The following CENPA variants were observed in gnomAD, a reference collection of about 807,000 sequenced individuals.
CENPA encodes the protein centromere protein A, also known as histone H3-like centromeric protein A.
In CENPA, 7 loss-of-function variants were observed where a neutral mutation model predicts 17.2. The ratio of observed to expected loss-of-function variants is 0.41; its 90% CI spans 0.23 to 0.76. The LOEUF (loss-of-function observed/expected upper bound fraction) is 0.76, where lower values mean the gene tolerates loss of function less well. Ranked by LOEUF, CENPA falls within the 30% of genes least tolerant of loss-of-function variation. The pLI is 0.34. For synonymous variants in CENPA, 82 were observed against 77.4 expected, an observed-to-expected ratio of 1.06 and a Z score of -0.31; for missense variants, 149 against 193.1, an observed-to-expected ratio of 0.77 and a Z score of 1.35.
intron 1 of CENPA, among the ~76,000 whole-genome samples, chr2:26,786,896 G>C (rs1291405413): frequency 6.6e-6 from 1 of 152,170 alleles, no homozygotes; most frequent in Non-Finnish European, 1.5e-5. Context: ...CTTGTGTCCG[G>C]GAAAAGGGGC....
chr2:26,786,908 G>A (rs1259420990), intron 1 of CENPA, among the ~76,000 whole-genome samples: 1 of 152,160 alleles, frequency 6.6e-6, no homozygotes, highest in Non-Finnish European at 1.5e-5. Flanking sequence ...AAAAGGGGCC[G>A]AAGTCTGTGT....
Position 26,793,346 on chromosome 2 carries a change from C to A in CENPA, c.*47+20C>A. 6.3e-7 allele frequency: 1 copy of A among 1,587,270 alleles called. No homozygotes were observed. Among genetic ancestry groups the A allele is most frequent in the Non-Finnish European group, 8.6e-7 (1 of 1,165,860 alleles). On this transcript the variant is annotated intron_variant, in intron 4 of 4. Transcript: ENST00000335756. Reference sequence around the variant, plus strand: ...CAGGGGGTAAGCTCATCCTCTTTCACAGGACTGGGGCTGGAATTTCTCAAG... The same window carrying A: ...CAGGGGGTAAGCTCATCCTCTTTCAAAGGACTGGGGCTGGAATTTCTCAAG...
In CENPA at chr2:26,786,292, C is replaced by G. The variant is rs2148064834; in HGVS notation, c.96C>G (p.Ser32=). ...CCGGCCCCTCCCGGCGGGGCCCCTC[C>G]TTAGGTAACCGGCCGCGGCCCCATC... The part of the protein sequence containing the change: ...PTPGPSRRGP[S]LGASSHQHSR... Residue 32 remains serine, a synonymous_variant, in exon 1 of 5, where the codon TCC becomes TCG. Transcript: ENST00000335756. The G allele has an allele frequency of 7.5e-7, 1 of 1,327,504 alleles. No homozygotes were observed. The highest frequency in any genetic ancestry group is 3.1e-5 in the East Asian group (1 of 32,108). The allele number at this position is 1,327,504 out of a possible 1,614,324, so 82.2% of individuals were successfully genotyped here. A position where few individuals can be genotyped will look rare whatever the true frequency, so the allele number is the denominator to read the frequency against.
In CENPA at chr2:26,793,240, G is replaced by A; in HGVS notation, c.384G>A (p.Leu128=). The change falls in exon 4 of 5, where the codon CTG becomes CTA. Residue 128 remains leucine, a synonymous_variant. Transcript: ENST00000335756. ...RVTLFPKDVQ[L]ARRIRGLEEG... The stretch of plus-strand genomic sequence containing the variant: ...CTCTCTTCCCAAAGGATGTGCAACT[G>A]GCCCGGAGGATCCGGGGCCTTGAGG... 2 of 1,614,130 alleles carry A rather than the reference G, an allele frequency of 1.2e-6. No homozygotes were observed. Among genetic ancestry groups the A allele is most frequent in the African/African-American group, 1.3e-5 (1 of 75,026 alleles).
intron 1 of CENPA, among the ~76,000 whole-genome samples, chr2:26,791,043 G>A (rs1157099876): frequency 6.6e-6 from 1 of 152,182 alleles, no homozygotes; most frequent in Non-Finnish European, 1.5e-5. Context: ...CACTCATCTT[G>A]ATCCTTGGTT....
chr2:26,792,116 C>T lies in CENPA; in HGVS notation c.101-15C>T. On this transcript the variant is annotated splice_polypyrimidine_tract_variant and intron_variant, in intron 1 of 4. Transcript: ENST00000335756. The stretch of plus-strand genomic sequence containing the variant: ...ACCACCTATTTTCCACTGAACTTAC[C>T]TTTCTTTTGCTCAGGCGCTTCCTCC... The T allele has an allele frequency of 6.2e-7, 1 of 1,611,730 alleles. No homozygotes were observed. The highest frequency in any genetic ancestry group is 8.5e-7 in the Non-Finnish European group (1 of 1,178,808).
In CENPA at chr2:26,792,257, T is replaced by C. The variant is rs368264561; in HGVS notation, c.210+17T>C. Reference sequence around the variant, plus strand: ...AGCCGCCTGGTAAGCTCCGGGAGCTTCCCACCAACCCCTATGCCACCCTCC... The same window carrying C: ...AGCCGCCTGGTAAGCTCCGGGAGCTCCCCACCAACCCCTATGCCACCCTCC... On this transcript the variant is annotated intron_variant, in intron 2 of 4. Transcript: ENST00000335756. The C allele has an allele frequency of 6.3e-7, 1 of 1,598,394 alleles. No individual in the cohort carries two copies. The highest frequency in any genetic ancestry group is 8.6e-7 in the Non-Finnish European group (1 of 1,168,988).
chr2:26,787,370 C>A (rs1232380338), intron 1 of CENPA, among the ~76,000 whole-genome samples: 2 of 152,124 alleles, frequency 1.3e-5, no homozygotes, highest in Non-Finnish European at 1.5e-5. Flanking sequence ...CGCCTACCAC[C>A]ACGCCCGGCT....
intron 1 of CENPA, among the ~76,000 whole-genome samples, chr2:26,789,728 A>G (rs1664581704): frequency 6.6e-6 from 1 of 152,020 alleles, no homozygotes. Flanking sequence ...CTCCAATACA[A>G]ATGCAGGTCC....
At chr2:26,793,475 C>A in intron 4 of CENPA, 149 bp downstream of exon 4, 1 of 571,806 alleles carries the variant, frequency 1.7e-6, no homozygotes, top group South Asian at 2.7e-5. Flanking sequence ...TGGTTTGTGC[C>A]CTTTTGTGCA....
rs150615508 is a variant in CENPA, at chr2:26,793,324, G to A, written c.*45G>A. On this transcript the variant is annotated splice_region_variant and 3_prime_UTR_variant, in exon 4 of 5. Transcript: ENST00000335756. ...CTGTCAGTCTTTCCTGCTCAGCCAG[G>A]GGGTAAGCTCATCCTCTTTCACAGG... 505 of 1,605,298 alleles carry A rather than the reference G, an allele frequency of 3.1e-4. 1 individual carries two copies. Among genetic ancestry groups the A allele is most frequent in the Non-Finnish European group, 3.0e-4 (351 of 1,176,330 alleles).
intron 2 of CENPA, 88 bp downstream of exon 2, chr2:26,792,328 C>A: frequency 9.8e-7 from 1 of 1,018,040 alleles, no homozygotes; most frequent in Non-Finnish European, 1.5e-6. Context: ...TGTCTCTTAA[C>A]TAACTGGCCA....
In CENPA at chr2:26,792,736, C is replaced by T; in HGVS notation, c.211-20C>T. The stretch of plus-strand genomic sequence containing the variant: ...TGTTACTCCCTACTCCTACTCCTCC[C>T]CTTCCCCACTCCTTCACAGGCAAGA... On this transcript the variant is annotated intron_variant, in intron 2 of 4. Coordinates refer to ENST00000335756, the MANE Select transcript of CENPA (RefSeq NM_001809.4). 3 of 1,606,460 alleles carry T rather than the reference C, an allele frequency of 1.9e-6. No individual in the cohort carries two copies. The highest frequency in any genetic ancestry group is 1.1e-5 in the South Asian group (1 of 90,944).
chr2:26,791,775 A>G (rs1259666459), intron 1 of CENPA, among the ~76,000 whole-genome samples: 1 of 152,248 alleles, frequency 6.6e-6, no homozygotes, highest in Non-Finnish European at 1.5e-5. Flanking sequence ...GCGGTCACCC[A>G]TCTGTTTGGA....
At chr2:26,792,516 C>T in intron 2 of CENPA, 2 of 713,260 alleles carry the variant, frequency 2.8e-6, no homozygotes, top group Non-Finnish European at 5.2e-6. Flanking sequence ...CTTTTCCTAT[C>T]CTGGGAGATT....
At chr2:26,792,393 C>G in intron 2 of CENPA, 153 bp downstream of exon 2, 1 of 694,676 alleles carries the variant, frequency 1.4e-6, no homozygotes, top group Middle Eastern at 3.2e-4. Flanking sequence ...ATGAGCCCTC[C>G]AAGAGCACCT....
intron 3 of CENPA, 74 bp from the exon 4 acceptor site, chr2:26,793,071 G>C: frequency 3.8e-6 from 6 of 1,579,562 alleles, no homozygotes; most frequent in Non-Finnish European, 5.2e-6. Context: ...CAGAGATTAA[G>C]TTTAGCAGGT....
chr2:26,793,092 A>T, intron 3 of CENPA, 53 bp from the exon 4 acceptor site: 1 of 1,602,692 alleles, frequency 6.2e-7, no homozygotes, highest in Non-Finnish European at 8.5e-7. Flanking sequence ...TTCCAAAAAA[A>T]AGCAGCCCGT....
chr2:26,788,842 A>G (rs925138900), intron 1 of CENPA, among the ~76,000 whole-genome samples: 3 of 151,998 alleles, frequency 2.0e-5, no homozygotes, highest in African/African-American at 7.2e-5. Context: ...CATCCGGCTA[A>G]TTTTGTGTTT....
Sources: allele counts gnomAD v4.1 joint callset (sites outside exome capture counted in the v4.1 genomes callset), GRCh38; gene constraint gnomAD v4.1.1; transcripts MANE v1.5; gene names NCBI Gene and HGNC (gene_info 2026-07-23, HGNC 2026-07-21).